The following STOX2 variants were observed in gnomAD, a reference collection of about 807,000 sequenced individuals.
STOX2 encodes storkhead-box protein 2.
Under a neutral mutation model 60.9 loss-of-function variants are expected in STOX2, and 28 were observed. The observed-to-expected ratio is 0.46, with a 90% CI of 0.34 to 0.63. STOX2 has a LOEUF of 0.63. Among genes scored for constraint, STOX2 ranks in the 30% least tolerant of loss-of-function variants. The pLI is 0.01. For missense variants in STOX2, 1,024 were observed against 1,187.7 expected (o/e 0.86, Z 2.03); for synonymous variants, 472 against 463.9 (o/e 1.02, Z -0.22).
chr4:183,891,361 TATA>T (rs1741209216), intron 1 of STOX2, among the ~76,000 whole-genome samples: 1 of 1,328 alleles, frequency 7.5e-4, no homozygotes, highest in Admixed American at 0.012. Flanking sequence ...ATGGAATTTA[TATA>T]TATATATATA....
chr4:184,007,843 G>A (rs766726311), intron 2 of STOX2, among the ~76,000 whole-genome samples: 2 of 152,128 alleles, frequency 1.3e-5, no homozygotes, highest in South Asian at 2.1e-4. Flanking sequence ...GACATCAGTC[G>A]TATTCGATTA....
chr4:183,960,596 G>A (rs1051742881), intron 1 of STOX2, among the ~76,000 whole-genome samples: 3 of 152,190 alleles, frequency 2.0e-5, no homozygotes, highest in Non-Finnish European at 2.9e-5. Flanking sequence ...GTGGATAAAT[G>A]ATACATTAAA....
chr4:183,815,344 G>C (rs1192988846), intron 1 of STOX2, among the ~76,000 whole-genome samples: 1 of 152,036 alleles, frequency 6.6e-6, no homozygotes, highest in African/African-American at 2.4e-5. Flanking sequence ...TGGAATTGTA[G>C]TCAAAAGAGG....
intron 1 of STOX2, among the ~76,000 whole-genome samples, chr4:183,912,893 A>G (rs1331895933): frequency 6.6e-6 from 1 of 152,242 alleles, no homozygotes; most frequent in Non-Finnish European, 1.5e-5. Context: ...AATTATAAGT[A>G]TGTATGCTAA....
intron 1 of STOX2, among the ~76,000 whole-genome samples, chr4:183,948,989 C>T (rs954888360): frequency 1.3e-5 from 2 of 152,152 alleles, no homozygotes; most frequent in African/African-American, 4.8e-5. Context: ...ATTGCTGAAA[C>T]AAGGATGCTA....
At chr4:183,927,765 C>A (rs1742286776) in intron 1 of STOX2, among the ~76,000 whole-genome samples, 1 of 152,072 alleles carries the variant, frequency 6.6e-6, no homozygotes, top group Admixed American at 6.5e-5. Context: ...CCTTCTTTTG[C>A]CCTTTCTGGG....
At chr4:183,908,619 T>G (rs371567810) in intron 1 of STOX2, among the ~76,000 whole-genome samples, 16 of 148,236 alleles carry the variant, frequency 1.1e-4, no homozygotes, top group African/African-American at 4.0e-4. Flanking sequence ...TTTTAATCTA[T>G]CTTGGCATTA....
Position 184,005,457 on chromosome 4 carries a change from C to CAAAAA in STOX2, c.320-3686_320-3682dup, listed in dbSNP as rs60307441. 4.2e-4 allele frequency among the ~76,000 whole-genome samples: 25 copies of CAAAAA among 59,258 alleles called. 1 individual carries two copies. The highest frequency in any genetic ancestry group is 7.8e-4 in the East Asian group (2 of 2,570). The allele number at this position is 59,258 out of a possible 152,430, so 38.9% of individuals were successfully genotyped here. A position where few individuals can be genotyped will look rare whatever the true frequency, so the allele number is the denominator to read the frequency against. ...TGGGTGACAGAGTGAGACGATATCT[C>CAAAAA]AAAAAAAAAAAAAAAAAAATTCATA... On this transcript the variant is annotated intron_variant, in intron 2 of 3. Transcript: ENST00000308497.
At chr4:183,914,902 A>G (rs1271369852) in intron 1 of STOX2, among the ~76,000 whole-genome samples, 1 of 152,184 alleles carries the variant, frequency 6.6e-6, no homozygotes, top group Non-Finnish European at 1.5e-5. Context: ...AAGCCATTGC[A>G]TTGTTGATAG....
rs200303944 is a variant in STOX2, at chr4:183,907,614, C to G, written c.166+658C>G. On this transcript the variant is annotated intron_variant, in intron 1 of 3. Coordinates refer to ENST00000308497, the MANE Select transcript of STOX2 (RefSeq NM_020225.3). ...GTGTTTGCATGTCAGACAGGAGGGA[C>G]AAACAAAACGGTAAATGGAAAGGGA... Among the ~76,000 whole-genome samples, 7 of 152,252 alleles carry G rather than the reference C, an allele frequency of 4.6e-5. No individual in the cohort carries two copies. In the East Asian group the frequency reaches 1.3e-3, roughly 29 times the overall value.
intron 1 of STOX2, among the ~76,000 whole-genome samples, chr4:183,966,374 G>A (rs1011142269): frequency 6.6e-5 from 10 of 152,228 alleles, no homozygotes; most frequent in African/African-American, 1.9e-4. Context: ...CACACAGTGA[G>A]TTTCCCAAAG....
chr4:183,831,191 G>T (rs188426674), intron 1 of STOX2, among the ~76,000 whole-genome samples: 188 of 152,224 alleles, frequency 1.2e-3, no homozygotes, highest in Non-Finnish European at 2.3e-3. Context: ...AGGTCTACAG[G>T]AGAGAAGACG....
intron 1 of STOX2, among the ~76,000 whole-genome samples, chr4:183,841,892 A>C (rs1739871436): frequency 6.6e-6 from 1 of 152,206 alleles, no homozygotes; most frequent in African/African-American, 2.4e-5. Context: ...ATACAATTTG[A>C]AAGAGTCATT....
chr4:183,906,832 T>C lies in STOX2; in HGVS notation c.42T>C (p.Pro14=), dbSNP rs1333734287. Residue 14 remains proline (P), a synonymous_variant, in exon 1 of 4, where the codon CCT becomes CCC. Transcript: ENST00000308497. The part of the protein sequence containing the change: ...TRSTTLRRAW[P]SSDFSDRASD... Reference sequence around the variant, plus strand: ...GCACAACCTTGCGGCGAGCCTGGCCTAGCTCGGATTTCTCGGACCGGGCCT... The same window carrying C: ...GCACAACCTTGCGGCGAGCCTGGCCCAGCTCGGATTTCTCGGACCGGGCCT... The C allele has an allele frequency of 8.3e-6, 13 of 1,556,950 alleles. No individual in the cohort carries two copies. Among genetic ancestry groups the C allele is most frequent in the Non-Finnish European group, 1.1e-5 (13 of 1,150,490 alleles).
intron 1 of STOX2, among the ~76,000 whole-genome samples, chr4:183,935,295 A>G (rs1310886359): frequency 6.6e-6 from 1 of 152,248 alleles, no homozygotes; most frequent in Non-Finnish European, 1.5e-5. Context: ...AAACTGCCTC[A>G]AACATACCTA....
At chr4:183,818,983 G>A (rs966792522) in intron 1 of STOX2, among the ~76,000 whole-genome samples, 8 of 151,940 alleles carry the variant, frequency 5.3e-5, no homozygotes, top group African/African-American at 1.9e-4. Flanking sequence ...CATCTCAGAC[G>A]ATGGGTGGCC....
intron 1 of STOX2, among the ~76,000 whole-genome samples, chr4:183,916,335 A>G (rs925995604): frequency 2.6e-5 from 4 of 152,178 alleles, no homozygotes; most frequent in Non-Finnish European, 5.9e-5. Flanking sequence ...CTTTTGCCTG[A>G]GAGGCTGTGT....
At chr4:183,798,708 A>T (rs1285905113) in intron 1 of STOX2, 1 of 985,274 alleles carries the variant, frequency 1.0e-6, no homozygotes, top group Non-Finnish European at 1.2e-6. Flanking sequence ...GGAGGAAAAA[A>T]AATCTGATCC....
intron 1 of STOX2, among the ~76,000 whole-genome samples, chr4:183,852,908 A>G (rs1740194060): frequency 6.6e-6 from 1 of 152,178 alleles, no homozygotes; most frequent in South Asian, 2.1e-4. Context: ...TTTTTCAAAC[A>G]TAGATGGCAA....
Sources: gnomAD v4.1 joint callset for allele counts (sites outside exome capture counted in the v4.1 genomes callset) on GRCh38, gnomAD v4.1.1 for gene constraint, MANE v1.5 for transcripts, NCBI Gene and HGNC (gene_info 2026-07-23, HGNC 2026-07-21) for gene names.